Variants in SPOCK1 observed in about 807,000 individuals in gnomAD.
The protein encoded by SPOCK1 is SPARC (osteonectin), cwcv and kazal like domains proteoglycan 1.
A neutral mutation model predicts 55.3 loss-of-function variants in SPOCK1; 23 were observed. That is an observed-to-expected ratio of 0.42 (90% CI 0.30 to 0.59). The LOEUF is 0.59. Among genes scored for constraint, SPOCK1 ranks in the 20% least tolerant of loss-of-function variants. SPOCK1 has a pLI of 0.22. For synonymous variants in SPOCK1, 226 were observed against 221.0 expected (o/e 1.02, Z -0.20); for missense variants, 499 against 552.5 (o/e 0.90, Z 0.97).
chr5:137,206,873 G>A (rs1038115844), intron 3 of SPOCK1, among the ~76,000 whole-genome samples: 1 of 152,154 alleles, frequency 6.6e-6, no homozygotes, highest in African/African-American at 2.4e-5. Context: ...TACAGTCAAG[G>A]AAACTGAGAA....
At chr5:137,226,140 T>C (rs964901144) in intron 3 of SPOCK1, among the ~76,000 whole-genome samples, 1 of 152,220 alleles carries the variant, frequency 6.6e-6, no homozygotes, top group Non-Finnish European at 1.5e-5. Flanking sequence ...CTTCCTCCTC[T>C]GTGTTAAAGC....
At chr5:137,395,421 C>G (rs1380954313) in intron 2 of SPOCK1, among the ~76,000 whole-genome samples, 1 of 152,180 alleles carries the variant, frequency 6.6e-6, no homozygotes, top group Admixed American at 6.5e-5. Flanking sequence ...ACAAACAGGA[C>G]ACATTTTCAC....
At chr5:137,427,089 G>C (rs1185561722) in intron 2 of SPOCK1, among the ~76,000 whole-genome samples, 1 of 152,234 alleles carries the variant, frequency 6.6e-6, no homozygotes, top group Non-Finnish European at 1.5e-5. Flanking sequence ...GAACGGTTAA[G>C]AGAGTGGGTA....
intron 5 of SPOCK1, among the ~76,000 whole-genome samples, chr5:137,068,179 T>TAGG (rs1752546197): frequency 6.6e-6 from 1 of 152,156 alleles, no homozygotes; most frequent in Admixed American, 6.5e-5. Flanking sequence ...TGAGGCATCT[T>TAGG]CTCCACACTC....
chr5:137,263,245 G>T (rs574211534), intron 3 of SPOCK1, among the ~76,000 whole-genome samples: 2 of 152,300 alleles, frequency 1.3e-5, no homozygotes, highest in Admixed American at 6.5e-5. Context: ...ACTGAAAGAC[G>T]CCTCAGAGTT....
chr5:137,041,239 T>C (rs1253206830), intron 6 of SPOCK1, among the ~76,000 whole-genome samples: 1 of 152,182 alleles, frequency 6.6e-6, no homozygotes, highest in East Asian at 1.9e-4. Context: ...AGGATAGTCA[T>C]TTCAATAAAC....
intron 6 of SPOCK1, among the ~76,000 whole-genome samples, chr5:137,029,259 A>C (rs1216341377): frequency 6.6e-6 from 1 of 152,214 alleles, no homozygotes. Context: ...GCCACTCTCA[A>C]TGTAAAACTA....
rs1580836886 is a variant in SPOCK1, at chr5:137,264,910, G to A, written c.232+2100C>T. On this transcript the variant is annotated intron_variant, in intron 3 of 10. Transcript: ENST00000394945. ...TGGTTCTGTATATAAATAGCCAACG[G>A]CAGCTACCCCTGAGGTACAAAGTGG... is the stretch of plus-strand genomic sequence containing the variant. 2.0e-5 allele frequency among the ~76,000 whole-genome samples: 3 copies of A among 152,288 alleles called. No individual in the cohort carries two copies. In the South Asian group the frequency reaches 6.2e-4, roughly 32 times the overall value.
At chr5:137,373,225 C>T (rs772614317) in intron 2 of SPOCK1, among the ~76,000 whole-genome samples, 63 of 152,300 alleles carry the variant, frequency 4.1e-4, no homozygotes, top group Admixed American at 1.6e-3. Flanking sequence ...AGGCCTAATG[C>T]TAATTACCTG....
At chr5:137,242,795 C>T (rs767602496) in intron 3 of SPOCK1, among the ~76,000 whole-genome samples, 3 of 152,144 alleles carry the variant, frequency 2.0e-5, no homozygotes, top group Non-Finnish European at 4.4e-5. Flanking sequence ...ACAATTATCT[C>T]TATGCACAAA....
chr5:137,185,014 A>G (rs1007566661), intron 3 of SPOCK1, among the ~76,000 whole-genome samples: 1 of 152,202 alleles, frequency 6.6e-6, no homozygotes, highest in Non-Finnish European at 1.5e-5. Context: ...GCTTGAGACT[A>G]TCTTGTCTGT....
intron 5 of SPOCK1, among the ~76,000 whole-genome samples, chr5:137,084,624 A>G (rs755204931): frequency 6.6e-6 from 1 of 152,144 alleles, no homozygotes; most frequent in Non-Finnish European, 1.5e-5. Context: ...CCTAAGGCAC[A>G]TTAGTGAAAA....
At chr5:137,076,790 T>C (rs961302783) in intron 5 of SPOCK1, among the ~76,000 whole-genome samples, 3 of 152,340 alleles carry the variant, frequency 2.0e-5, no homozygotes, top group African/African-American at 4.8e-5. Context: ...TGTAACCCTA[T>C]GTGAGAGCAG....
At chr5:137,000,319 A>G (rs1287446642) in intron 6 of SPOCK1, among the ~76,000 whole-genome samples, 2 of 152,150 alleles carry the variant, frequency 1.3e-5, no homozygotes, top group Admixed American at 1.3e-4. Context: ...CCTTCCTTAG[A>G]GCAGTGATGA....
intron 5 of SPOCK1, among the ~76,000 whole-genome samples, chr5:137,100,875 G>GAAAAAAA (rs57089475): frequency 6.8e-6 from 1 of 147,104 alleles, no homozygotes. Flanking sequence ...TCCGAAAGGG[G>GAAAAAAA]AAAAAAAAAA....
intron 6 of SPOCK1, among the ~76,000 whole-genome samples, chr5:137,036,636 G>A (rs1382709790): frequency 1.3e-5 from 2 of 152,160 alleles, no homozygotes; most frequent in South Asian, 2.1e-4. Flanking sequence ...CAAGCATGCC[G>A]ACTAATTTCC....
At chr5:137,281,075 T>TAA (rs796671149) in intron 2 of SPOCK1, among the ~76,000 whole-genome samples, 1 of 148,908 alleles carries the variant, frequency 6.7e-6, no homozygotes, top group Non-Finnish European at 1.5e-5. Flanking sequence ...ACTTTTCAAT[T>TAA]AAAAAAAAAA....
At chr5:137,393,949 T>A (rs1413188992) in intron 2 of SPOCK1, among the ~76,000 whole-genome samples, 1 of 152,234 alleles carries the variant, frequency 6.6e-6, no homozygotes, top group Non-Finnish European at 1.5e-5. Context: ...TTAGGGTTTT[T>A]TTTTCAATAA....
At chr5:137,015,621 C>T (rs769763864) in intron 6 of SPOCK1, among the ~76,000 whole-genome samples, 2 of 152,212 alleles carry the variant, frequency 1.3e-5, no homozygotes, top group Non-Finnish European at 2.9e-5. Flanking sequence ...GATGTTGTCA[C>T]CCTTTGACAG....
Sources: gnomAD v4.1 joint callset for allele counts (sites outside exome capture counted in the v4.1 genomes callset) on GRCh38, gnomAD v4.1.1 for gene constraint, MANE v1.5 for transcripts, NCBI Gene and HGNC (gene_info 2026-07-23, HGNC 2026-07-21) for gene names.